The following OPCML variants were observed in gnomAD, a reference collection of about 807,000 sequenced individuals.
OPCML encodes opioid-binding protein/cell adhesion molecule.
In OPCML, 13 loss-of-function variants were observed where a neutral mutation model predicts 37.8. That is an observed-to-expected ratio of 0.34 (90% CI 0.22 to 0.55). The LOEUF (loss-of-function observed/expected upper bound fraction) is 0.55. Ranked by LOEUF, OPCML falls within the 20% of genes least tolerant of loss-of-function variation. The probability of loss-of-function intolerance (pLI) is 0.91; values close to 1 mark genes in which losing one functional copy is unlikely to be tolerated. For synonymous variants in OPCML, 176 were observed against 168.8 expected (o/e 1.04, Z -0.33); for missense variants, 341 against 435.6 (o/e 0.78, Z 1.93).
chr11:132,718,271 G>C (rs1944560253), intron 2 of OPCML, among the ~76,000 whole-genome samples: 1 of 152,156 alleles, frequency 6.6e-6, no homozygotes, highest in Non-Finnish European at 1.5e-5. Flanking sequence ...TAGCACCAGT[G>C]GTGGGTTCAG....
intron 1 of OPCML, among the ~76,000 whole-genome samples, chr11:132,982,688 A>C (rs1210337044): frequency 6.6e-6 from 1 of 152,170 alleles, no homozygotes; most frequent in Non-Finnish European, 1.5e-5. Flanking sequence ...TCATCTCTAA[A>C]ACCGTGTTCA....
At chr11:132,844,818 T>A (rs1375105082) in intron 2 of OPCML, among the ~76,000 whole-genome samples, 1 of 152,136 alleles carries the variant, frequency 6.6e-6, no homozygotes, top group East Asian at 1.9e-4. Flanking sequence ...GTAGCTTGTA[T>A]TCCTTCTGGG....
At chr11:132,622,274 G>C (rs551859137) in intron 3 of OPCML, among the ~76,000 whole-genome samples, 1 of 152,100 alleles carries the variant, frequency 6.6e-6, no homozygotes, top group African/African-American at 2.4e-5. Context: ...TGAATAGAGG[G>C]GAAAGGCATC....
intron 2 of OPCML, among the ~76,000 whole-genome samples, chr11:132,921,340 G>A (rs1944794627): frequency 6.6e-6 from 1 of 151,120 alleles, no homozygotes; most frequent in Admixed American, 6.5e-5. Context: ...TATTGCACGT[G>A]TGTTAAATCC....
intron 3 of OPCML, among the ~76,000 whole-genome samples, chr11:132,577,569 C>T (rs1283472684): frequency 2.0e-5 from 3 of 152,120 alleles, no homozygotes; most frequent in South Asian, 2.1e-4. Context: ...AATACCCTAC[C>T]GAAAGGTAAC....
rs1950323393 is a variant in OPCML at position 133,173,854 on chromosome 11, A to G, written c.62-230844T>C. On this transcript the variant is annotated intron_variant, in intron 1 of 7. Coordinates refer to ENST00000524381, the MANE Select transcript of OPCML (RefSeq NM_001012393.5). The surrounding 1 kb of genome is among the most constrained non-coding windows in gnomAD (Gnocchi z 7.8). ...AGGCCTTGAGTTTATGAGGCAAATAATGAAGTTGATAAATGGGTCTGCACT... is the reference window on the plus strand; with the variant it reads ...AGGCCTTGAGTTTATGAGGCAAATAGTGAAGTTGATAAATGGGTCTGCACT... Among the ~76,000 whole-genome samples, 1 of 152,206 alleles carries G rather than the reference A, an allele frequency of 6.6e-6. No homozygotes were observed. Among genetic ancestry groups the G allele is most frequent in the African/African-American group, 2.4e-5 (1 of 41,456 alleles).
At chr11:132,566,086 C>T (rs1478457278) in intron 3 of OPCML, among the ~76,000 whole-genome samples, 1 of 152,212 alleles carries the variant, frequency 6.6e-6, no homozygotes, top group Admixed American at 6.5e-5. Context: ...TGATTAACAT[C>T]TATTAAGCCC....
At chr11:132,868,694 AC>A (rs1942672117) in intron 2 of OPCML, among the ~76,000 whole-genome samples, 1 of 152,022 alleles carries the variant, frequency 6.6e-6, no homozygotes, top group Admixed American at 6.5e-5. Flanking sequence ...GGGCTTAAAA[AC>A]CCAGAAATGA....
chr11:133,359,636 T>C (rs1944370339), intron 1 of OPCML, among the ~76,000 whole-genome samples: 2 of 152,234 alleles, frequency 1.3e-5, no homozygotes, highest in Admixed American at 1.3e-4. Context: ...AGTACACTGC[T>C]ATTTATCAAA....
intron 1 of OPCML, among the ~76,000 whole-genome samples, chr11:133,009,794 G>A (rs953994018): frequency 3.3e-5 from 5 of 152,122 alleles, no homozygotes; most frequent in East Asian, 1.9e-4. Context: ...GGGCGCAGGC[G>A]GTAATGCTCA....
intron 3 of OPCML, among the ~76,000 whole-genome samples, chr11:132,599,576 A>T (rs1440363243): frequency 1.3e-5 from 2 of 152,042 alleles, no homozygotes; most frequent in African/African-American, 4.8e-5. Context: ...CACATTTCTC[A>T]TTTTCTGACA....
intron 1 of OPCML, among the ~76,000 whole-genome samples, chr11:133,154,613 T>G (rs1442860817): frequency 6.6e-6 from 1 of 152,012 alleles, no homozygotes; most frequent in Non-Finnish European, 1.5e-5. Flanking sequence ...ACAAGCTGCC[T>G]GAAAATTACA....
At chr11:133,040,939 ATCT>A (rs1371676780) in intron 1 of OPCML, among the ~76,000 whole-genome samples, 2 of 152,186 alleles carry the variant, frequency 1.3e-5, no homozygotes, top group Non-Finnish European at 2.9e-5. Context: ...CACACAGAAC[ATCT>A]TCTTACCTGC....
At chr11:133,198,843 G>A (rs189598877) in intron 1 of OPCML, among the ~76,000 whole-genome samples, 1 of 152,152 alleles carries the variant, frequency 6.6e-6, no homozygotes, top group African/African-American at 2.4e-5. Flanking sequence ...TGTGTATTCT[G>A]GATTGGGTGC....
At chr11:133,126,906 G>C (rs1028419704) in intron 1 of OPCML, among the ~76,000 whole-genome samples, 6 of 152,052 alleles carry the variant, frequency 3.9e-5, no homozygotes, top group African/African-American at 1.5e-4. Flanking sequence ...GTGCCTGGAA[G>C]AGGGGCAGGT....
intron 3 of OPCML, among the ~76,000 whole-genome samples, chr11:132,556,749 C>G (rs2137468724): frequency 6.6e-6 from 1 of 152,306 alleles, no homozygotes; most frequent in South Asian, 2.1e-4. Flanking sequence ...GTACCCTCTG[C>G]TATATGATGG....
chr11:133,524,013 C>G (rs905324670), intron 1 of OPCML, among the ~76,000 whole-genome samples: 3 of 152,222 alleles, frequency 2.0e-5, no homozygotes, highest in African/African-American at 7.2e-5. Context: ...TTGTTTGACG[C>G]ATGTCTGTCT....
In OPCML at chr11:133,509,105, G is replaced by A. The variant is rs373071530; in HGVS notation, c.61+23159C>T. ...ATGTTCTGGGATACATGTGCAGGAC[G>A]TGCAGGTTTGTTACATTGGTAAACG... On this transcript the variant is annotated intron_variant, in intron 1 of 7. Coordinates refer to ENST00000524381, the MANE Select transcript of OPCML (RefSeq NM_001012393.5). Among the ~76,000 whole-genome samples, 21 of 152,034 alleles carry A rather than the reference G, an allele frequency of 1.4e-4. 1 individual carries two copies. The highest frequency in any genetic ancestry group is 5.2e-4 in the Admixed American group (8 of 15,268).
intron 2 of OPCML, among the ~76,000 whole-genome samples, chr11:132,660,331 A>C (rs1941910471): frequency 6.6e-6 from 1 of 152,234 alleles, no homozygotes; most frequent in Non-Finnish European, 1.5e-5. Context: ...GCCAAAAATC[A>C]CATAGTAATA....
Sources: allele counts gnomAD v4.1 joint callset (sites outside exome capture counted in the v4.1 genomes callset), GRCh38; gene constraint gnomAD v4.1.1; non-coding constraint Gnocchi (gnomAD v3.1); transcripts MANE v1.5; gene names NCBI Gene and HGNC (gene_info 2026-07-23, HGNC 2026-07-21).